MALRD1: variants seen among roughly 807,000 people sequenced by gnomAD.
MALRD1 encodes the protein MAM and LDL-receptor class A domain-containing protein 1.
MALRD1 carries 247 observed loss-of-function variants against 242.1 expected under a neutral mutation model. That is an observed-to-expected ratio of 1.02 (90% CI 0.92 to 1.13). The LOEUF is 1.13. Among genes scored for constraint, MALRD1 ranks in the 50% most tolerant of loss-of-function variants. The pLI is 0.00. For synonymous variants in MALRD1, 995 were observed against 866.6 expected (o/e 1.15, Z -2.60); for missense variants, 2,989 against 2,533.1 (o/e 1.18, Z -3.86).
chr10:19,409,775 T>G (rs1397136290), intron 28 of MALRD1, among the ~76,000 whole-genome samples: 1 of 152,166 alleles, frequency 6.6e-6, no homozygotes, highest in Non-Finnish European at 1.5e-5. Context: ...TAAAAATAAT[T>G]ATGTTAAATT....
intron 13 of MALRD1, among the ~76,000 whole-genome samples, chr10:19,168,105 C>T (rs1834776518): frequency 6.6e-6 from 1 of 152,170 alleles, no homozygotes; most frequent in African/African-American, 2.4e-5. Flanking sequence ...TTGATCAGAA[C>T]TCTAGGCTCG....
chr10:19,334,651 A>G (rs1002278313), intron 24 of MALRD1, among the ~76,000 whole-genome samples: 4 of 151,914 alleles, frequency 2.6e-5, no homozygotes, highest in Admixed American at 6.6e-5. Flanking sequence ...ATTATTTATT[A>G]TATCCATTAT....
rs149496222 is a variant in MALRD1, at chr10:19,103,783, A to T, written c.598-196A>T. Reference sequence around the variant, plus strand: ...CTATCCTATGCCAGACATTTGAGATACAGTGATGACCCTGCATTTCTTTGT... The same window carrying T: ...CTATCCTATGCCAGACATTTGAGATTCAGTGATGACCCTGCATTTCTTTGT... On this transcript the variant is annotated intron_variant, in intron 4 of 39. Coordinates refer to ENST00000454679, the MANE Select transcript of MALRD1 (RefSeq NM_001142308.3). 3.1e-3 allele frequency among the ~76,000 whole-genome samples: 474 copies of T among 152,288 alleles called. 1 individual carries two copies. Among genetic ancestry groups the T allele is most frequent in the African/African-American group, 0.011 (458 of 41,570 alleles).
intron 29 of MALRD1, among the ~76,000 whole-genome samples, chr10:19,475,168 C>G (rs1176513639): frequency 2.0e-5 from 3 of 152,196 alleles, no homozygotes; most frequent in Admixed American, 6.5e-5. Context: ...GTAATCCCAG[C>G]ACTTTGGGAG....
chr10:19,698,022 T>C (rs1833456201), intron 38 of MALRD1, among the ~76,000 whole-genome samples: 1 of 152,212 alleles, frequency 6.6e-6, no homozygotes, highest in African/African-American at 2.4e-5. Context: ...TGTAAATGCC[T>C]TCAAGTCAGA....
At chr10:19,366,340 C>T (rs985801045) in intron 26 of MALRD1, among the ~76,000 whole-genome samples, 1 of 151,946 alleles carries the variant, frequency 6.6e-6, no homozygotes, top group African/African-American at 2.4e-5. Context: ...GGTTTGCGCT[C>T]CTATGAGAAG....
intron 28 of MALRD1, among the ~76,000 whole-genome samples, chr10:19,417,454 C>T (rs1315021134): frequency 2.0e-5 from 3 of 152,076 alleles, no homozygotes; most frequent in African/African-American, 7.2e-5. Context: ...CTTGTTATGA[C>T]ATATACCAGG....
chr10:19,575,431 C>T (rs939714071), intron 33 of MALRD1, among the ~76,000 whole-genome samples: 3 of 151,844 alleles, frequency 2.0e-5, no homozygotes, highest in Non-Finnish European at 2.9e-5. Context: ...CCAGGTTCAA[C>T]AGCACCACCT....
chr10:19,263,260 A>G (rs373885243), intron 19 of MALRD1, among the ~76,000 whole-genome samples: 2 of 152,148 alleles, frequency 1.3e-5, no homozygotes, highest in East Asian at 1.9e-4. Context: ...ATTCCTACCA[A>G]CGGGTATAAG....
At chr10:19,333,258 G>A (rs1471032678) in intron 24 of MALRD1, among the ~76,000 whole-genome samples, 1 of 152,106 alleles carries the variant, frequency 6.6e-6, no homozygotes, top group African/African-American at 2.4e-5. Context: ...CAGATAGTGA[G>A]CATAGGACAC....
At position 19,463,746 on chromosome 10, in the gene MALRD1, T is replaced by C. The variant is rs182226514; in HGVS notation, c.5029+13256T>C. On this transcript the variant is annotated intron_variant, in intron 29 of 39. Coordinates refer to ENST00000454679, the MANE Select transcript of MALRD1 (RefSeq NM_001142308.3). ...GGTAGATACCCAGTAGTGGGATTGC[T>C]GGATCAAATGGTATTTCTACTCTTG... Among the ~76,000 whole-genome samples the C allele has an allele frequency of 2.2e-3, 338 of 152,312 alleles. 1 individual carries two copies. The highest frequency in any genetic ancestry group is 3.4e-3 in the Middle Eastern group (1 of 294).
intron 18 of MALRD1, among the ~76,000 whole-genome samples, chr10:19,248,418 T>G (rs938218849): frequency 6.6e-6 from 1 of 151,488 alleles, no homozygotes; most frequent in East Asian, 1.9e-4. Flanking sequence ...GTGTGACACA[T>G]GTAGAAAATG....
intron 31 of MALRD1, among the ~76,000 whole-genome samples, chr10:19,519,918 C>T (rs1304047235): frequency 6.6e-6 from 1 of 152,090 alleles, no homozygotes; most frequent in Non-Finnish European, 1.5e-5. Flanking sequence ...CTATTGTTTA[C>T]CTCTTTTTAA....
At position 19,495,736 on chromosome 10, in the gene MALRD1, G is replaced by C. The variant is rs566869302; in HGVS notation, c.5159-2749G>C. ...ATCCATGCATTGTCATGTTAACCTT[G>C]AATGTAAATAGGCAAAATGCCCCAA... On this transcript the variant is annotated intron_variant, in intron 30 of 39. Transcript: ENST00000454679. Among the ~76,000 whole-genome samples, 3 of 152,224 alleles carry C rather than the reference G, an allele frequency of 2.0e-5. No individual in the cohort carries two copies. The East Asian group carries it at 5.8e-4, about 29-fold the overall frequency.
At chr10:19,081,765 T>G (rs1590402041) in intron 2 of MALRD1, among the ~76,000 whole-genome samples, 1 of 152,128 alleles carries the variant, frequency 6.6e-6, no homozygotes, top group East Asian at 1.9e-4. Context: ...ACCCCAGAAC[T>G]TAAAATAAAA....
At position 19,104,005 on chromosome 10, in the gene MALRD1, A is replaced by C. The variant is rs1175398267; in HGVS notation, c.624A>C (p.Ser208=). 2 of 1,233,702 alleles carry C rather than the reference A, an allele frequency of 1.6e-6. No individual in the cohort carries two copies. Among genetic ancestry groups the C allele is most frequent in the Admixed American group, 4.2e-5 (1 of 23,708 alleles). The allele number at this position is 1,233,702 out of a possible 1,614,324, so 76.4% of individuals were successfully genotyped here. A position where few individuals can be genotyped will look rare whatever the true frequency, so the allele number is the denominator to read the frequency against. The part of the protein sequence containing the change: ...FQVVFEGQMA[S]TYEQDEVIAI... ...TTGTTTTTGAAGGTCAAATGGCTTCAACGTATGAACAGGATGAAGTCATTG... is the reference window on the plus strand; with the variant it reads ...TTGTTTTTGAAGGTCAAATGGCTTCCACGTATGAACAGGATGAAGTCATTG... The change falls in exon 5 of 40, where the codon TCA becomes TCC. Residue 208 remains serine, a synonymous_variant. Coordinates refer to ENST00000454679, the MANE Select transcript of MALRD1 (RefSeq NM_001142308.3).
intron 36 of MALRD1, among the ~76,000 whole-genome samples, chr10:19,678,391 T>G (rs1262074371): frequency 6.6e-6 from 1 of 152,156 alleles, no homozygotes; most frequent in Non-Finnish European, 1.5e-5. Context: ...TCATTTCCCT[T>G]GTTAGCTGTA....
intron 18 of MALRD1, among the ~76,000 whole-genome samples, chr10:19,224,021 G>A (rs1837675105): frequency 6.6e-6 from 1 of 152,138 alleles, no homozygotes. Context: ...GTGTGAATGT[G>A]TCTTTATAGT....
chr10:19,204,453 C>A, intron 16 of MALRD1, 40 bp downstream of exon 16: 1 of 1,379,848 alleles, frequency 7.2e-7, no homozygotes, highest in Non-Finnish European at 1.0e-6. Flanking sequence ...TTAAACAGTT[C>A]ACCCTGGTGG....
Sources: gnomAD v4.1 joint callset for allele counts (sites outside exome capture counted in the v4.1 genomes callset) on GRCh38, gnomAD v4.1.1 for gene constraint, MANE v1.5 for transcripts, NCBI Gene and HGNC (gene_info 2026-07-23, HGNC 2026-07-21) for gene names.